The following METTL15 variants were observed in gnomAD, a reference collection of about 807,000 sequenced individuals.
METTL15 encodes methyltransferase 15, mitochondrial 12S rRNA N4-cytidine, also known as 12S rRNA N(4)-cytidine methyltransferase METTL15.
In METTL15, 34 loss-of-function variants were observed where a neutral mutation model predicts 38.3. That is an observed-to-expected ratio of 0.89 (90% CI 0.68 to 1.18). METTL15 has a LOEUF of 1.18. Ranked by LOEUF, METTL15 falls within the 50% of genes most tolerant of loss-of-function variation. METTL15 has a pLI of 0.00. For synonymous variants in METTL15, 162 were observed against 170.9 expected (o/e 0.95, Z 0.41); for missense variants, 438 against 498.4 (o/e 0.88, Z 1.15).
intron 4 of METTL15, among the ~76,000 whole-genome samples, chr11:28,238,074 G>A (rs564443584): frequency 1.3e-5 from 2 of 152,346 alleles, no homozygotes; most frequent in South Asian, 2.1e-4. Context: ...CACTTGAGGA[G>A]GCAGTCTGCC....
chr11:28,388,699 AC>A (rs1850467258), intron 5 of METTL15, among the ~76,000 whole-genome samples: 1 of 152,054 alleles, frequency 6.6e-6, no homozygotes, highest in African/African-American at 2.4e-5. Flanking sequence ...TTTTTATTAT[AC>A]TTTAACTTTT....
At chr11:28,475,496 G>A (rs4146829) in intron 6 of METTL15, among the ~76,000 whole-genome samples, 151,804 of 152,324 alleles carry the variant, frequency 1, 75,647 homozygotes, top group Middle Eastern at 1. Flanking sequence ...TCATGGTCTC[G>A]TGGTGTGGCT....
chr11:28,225,566 G>A (rs1418751835), intron 4 of METTL15, among the ~76,000 whole-genome samples: 1 of 149,562 alleles, frequency 6.7e-6, no homozygotes, highest in Non-Finnish European at 1.5e-5. Context: ...TTTTATTTCT[G>A]TTTCTTGGAA....
intron 5 of METTL15, among the ~76,000 whole-genome samples, chr11:28,363,299 G>A (rs570444745): frequency 2.6e-5 from 4 of 152,092 alleles, no homozygotes; most frequent in Admixed American, 1.3e-4. Flanking sequence ...TCAGCCTCCC[G>A]AGTAGCTGGG....
intron 5 of METTL15, among the ~76,000 whole-genome samples, chr11:28,379,210 T>G (rs187096223): frequency 6.6e-6 from 1 of 152,228 alleles, no homozygotes; most frequent in East Asian, 1.9e-4. Flanking sequence ...TAAATTATGT[T>G]TAATTCTGCT....
chr11:28,396,004 T>G (rs1192813754), intron 5 of METTL15, among the ~76,000 whole-genome samples: 1 of 152,194 alleles, frequency 6.6e-6, no homozygotes, highest in East Asian at 1.9e-4. Flanking sequence ...ACCACATGGT[T>G]GTCTCAATAG....
At chr11:28,492,757 A>G (rs1465499496) in intron 6 of METTL15, among the ~76,000 whole-genome samples, 1 of 152,184 alleles carries the variant, frequency 6.6e-6, no homozygotes, top group Non-Finnish European at 1.5e-5. Flanking sequence ...AAATGCTAGT[A>G]TCTTATGTAA....
intron 6 of METTL15, among the ~76,000 whole-genome samples, chr11:28,495,704 AC>A (rs1383586140): frequency 6.6e-6 from 1 of 152,144 alleles, no homozygotes; most frequent in East Asian, 1.9e-4. Context: ...TTTCCTAATA[AC>A]ATTTAAACCC....
Position 28,330,732 on chromosome 11 carries a change from C to G in METTL15, c.1115C>G (p.Pro372Arg). Residue 372 changes from proline (P) to arginine (R), a missense_variant, in exon 7 of 7, where the codon CCT becomes CGT. Pro to Arg is a moderately radical substitution (Grantham distance 103). Coordinates refer to ENST00000407364, the MANE Select transcript of METTL15 (RefSeq NM_001113528.2). ...GAAGAAGTCTCTATGAGAAGAGCTCCTTTAATGTGGGAATTGATACACAAG... is the reference window on the plus strand; with the variant it reads ...GAAGAAGTCTCTATGAGAAGAGCTCGTTTAATGTGGGAATTGATACACAAG... ...NTEEVSMRRA[P>R]LMWELIHKKV... 6.4e-7 allele frequency: 1 copy of G among 1,551,570 alleles called. No individual in the cohort carries two copies. The highest frequency in any genetic ancestry group is 2.4e-5 in the East Asian group (1 of 40,914).
At chr11:28,204,949 A>G (rs1852261862) in intron 3 of METTL15, among the ~76,000 whole-genome samples, 2 of 152,022 alleles carry the variant, frequency 1.3e-5, no homozygotes, top group Admixed American at 6.6e-5. Context: ...AAGAAGTTCC[A>G]TGTGTCTTTG....
chr11:28,368,128 C>CAAAAAAAAAAAA (rs796151908), intron 5 of METTL15, among the ~76,000 whole-genome samples: 2 of 32,520 alleles, frequency 6.2e-5, no homozygotes, highest in Non-Finnish European at 1.2e-4. Context: ...TTCTGCATAG[C>CAAAAAAAAAAAA]AAAAAAAAAA....
chr11:28,337,016 C>T (rs1004063266), downstream of METTL15, among the ~76,000 whole-genome samples: 2 of 151,932 alleles, frequency 1.3e-5, no homozygotes, highest in Non-Finnish European at 2.9e-5. Context: ...ATCATCCTGA[C>T]CCTATGTACA....
intron 4 of METTL15, among the ~76,000 whole-genome samples, chr11:28,269,243 A>T (rs893362149): frequency 6.6e-6 from 1 of 152,108 alleles, no homozygotes; most frequent in Non-Finnish European, 1.5e-5. Context: ...TTGCAGAAAC[A>T]TGGTTAAAAT....
intron 4 of METTL15, among the ~76,000 whole-genome samples, chr11:28,276,354 A>C (rs1210297645): frequency 1.3e-5 from 2 of 152,130 alleles, no homozygotes; most frequent in Non-Finnish European, 2.9e-5. Context: ...AATAGCTATA[A>C]AAATATAAAT....
chr11:28,151,920 C>T (rs920693013), intron 3 of METTL15, among the ~76,000 whole-genome samples: 6 of 151,980 alleles, frequency 3.9e-5, no homozygotes, highest in African/African-American at 7.2e-5. Flanking sequence ...TTTATACCCA[C>T]TGTTATTGGT....
intron 5 of METTL15, chr11:28,398,848 C>A (rs1281810311): frequency 6.6e-6 from 1 of 151,900 alleles, no homozygotes; most frequent in Non-Finnish European, 1.5e-5. Context: ...TAGAAAGAAT[C>A]AATATTGTGA....
intron 5 of METTL15, among the ~76,000 whole-genome samples, chr11:28,408,323 CATCACATTAAAA>C (rs1850692621): frequency 6.6e-6 from 1 of 151,988 alleles, no homozygotes; most frequent in East Asian, 1.9e-4. Context: ...AATATAATTA[CATCACATTAAAA>C]ACAACAACAA....
chr11:28,323,392 T>G (rs1849534456), intron 6 of METTL15, among the ~76,000 whole-genome samples: 1 of 152,152 alleles, frequency 6.6e-6, no homozygotes, highest in Admixed American at 6.5e-5. Context: ...TAAGGTGTTA[T>G]GAAGAAAATT....
rs184315003 is a variant in METTL15, at chr11:28,522,235, G to A, written c.*425-4243G>A. On this transcript the variant is annotated intron_variant and NMD_transcript_variant, in intron 6 of 7. Transcript: ENST00000532947. ...ATATGTGTATATGAGCAGTGTATTAGTCAGGATAATCCAGAAAAACTGAAC... is the reference window on the plus strand; with the variant it reads ...ATATGTGTATATGAGCAGTGTATTAATCAGGATAATCCAGAAAAACTGAAC... Among the ~76,000 whole-genome samples the A allele has an allele frequency of 2.0e-3, 310 of 152,314 alleles. 1 individual carries two copies. Among genetic ancestry groups the A allele is most frequent in the African/African-American group, 6.0e-3 (251 of 41,562 alleles).
Sources: gnomAD v4.1 joint callset for allele counts (sites outside exome capture counted in the v4.1 genomes callset) on GRCh38, gnomAD v4.1.1 for gene constraint, MANE v1.5 for transcripts, NCBI Gene and HGNC (gene_info 2026-07-23, HGNC 2026-07-21) for gene names.